The following ELMO1 variants were observed in gnomAD, a reference collection of about 807,000 sequenced individuals.
The protein encoded by ELMO1 is engulfment and cell motility 1, also known as engulfment and cell motility protein 1.
Under a neutral mutation model 98.9 loss-of-function variants are expected in ELMO1, and 26 were observed. The ratio of observed to expected loss-of-function variants is 0.26; its 90% confidence interval spans 0.19 to 0.36. The LOEUF is 0.36. Among genes scored for constraint, ELMO1 ranks in the 10% least tolerant of loss-of-function variants. The pLI is 1.00. For missense variants in ELMO1, 627 were observed against 935.2 expected (o/e 0.67, Z 4.30); for synonymous variants, 346 against 346.0 (o/e 1.00, Z 0.00).
chr7:37,342,923 T>C lies in ELMO1; in HGVS notation c.-73-160A>G. ...TGCAGGGGCACAGCCAACGGTACAA[T>C]GGGCTCCTGAGGAAAGAAGAAAGAT... On this transcript the variant is annotated intron_variant, in intron 1 of 21. Coordinates refer to ENST00000310758, the MANE Select transcript of ELMO1 (RefSeq NM_014800.11). The surrounding 1 kb of genome is among the most constrained non-coding windows in gnomAD (Gnocchi z 4.3). 2.2e-6 allele frequency: 1 copy of C among 460,766 alleles called. No individual in the cohort carries two copies. Among genetic ancestry groups the C allele is most frequent in the Non-Finnish European group, 3.8e-6 (1 of 259,778 alleles). 28.5% of individuals were successfully genotyped at this position (460,766 alleles called of 1,614,324 possible). A position where few individuals can be genotyped will look rare whatever the true frequency, so the allele number is the denominator to read the frequency against.
intron 2 of ELMO1, among the ~76,000 whole-genome samples, chr7:37,340,445 A>G (rs573025913): frequency 6.6e-6 from 1 of 152,324 alleles, no homozygotes; most frequent in South Asian, 2.1e-4. Flanking sequence ...AAAAACAAGG[A>G]AAGACTGAGA....
chr7:37,035,262 C>G (rs74834743), intron 15 of ELMO1, among the ~76,000 whole-genome samples: 2,418 of 152,296 alleles, frequency 0.016, 71 homozygotes, highest in African/African-American at 0.055. Flanking sequence ...AAATCTCTTT[C>G]TAAAATTATC....
chr7:37,169,679 G>A (rs62459308), intron 13 of ELMO1, among the ~76,000 whole-genome samples: 94,095 of 151,982 alleles, frequency 0.62, 31,322 homozygotes, highest in Non-Finnish European at 0.73. Context: ...TTTTTCCCAC[G>A]TCAGATGGGT....
At chr7:37,181,889 T>C (rs751620829) in intron 13 of ELMO1, among the ~76,000 whole-genome samples, 13 of 152,266 alleles carry the variant, frequency 8.5e-5, no homozygotes, top group East Asian at 1.9e-4. Flanking sequence ...GCAAAGGAAA[T>C]AGTTATTTTC....
At chr7:37,363,589 G>A (rs77801025) in intron 1 of ELMO1, among the ~76,000 whole-genome samples, 12,309 of 152,038 alleles carry the variant, frequency 0.081, 604 homozygotes, top group Middle Eastern at 0.12. Context: ...AAGCTCCTAC[G>A]ATGAAATGTA....
chr7:37,111,430 G>T (rs1280739855), intron 14 of ELMO1, among the ~76,000 whole-genome samples: 1 of 152,238 alleles, frequency 6.6e-6, no homozygotes, highest in Non-Finnish European at 1.5e-5. Flanking sequence ...GCCATAGACT[G>T]TTGGGAGCTT....
intron 16 of ELMO1, among the ~76,000 whole-genome samples, chr7:36,920,382 A>C (rs1785047985): frequency 6.6e-6 from 1 of 152,236 alleles, no homozygotes; most frequent in Non-Finnish European, 1.5e-5. Flanking sequence ...CTAAATATGA[A>C]GTCCAAACAT....
chr7:37,319,482 G>A (rs150130338), intron 2 of ELMO1, among the ~76,000 whole-genome samples: 38 of 151,992 alleles, frequency 2.5e-4, no homozygotes, highest in Admixed American at 6.6e-4. Flanking sequence ...ATCTTTGAGC[G>A]TACACCCCAA....
intron 16 of ELMO1, among the ~76,000 whole-genome samples, 162 bp downstream of exon 16, chr7:37,013,137 A>G (rs1336625773): frequency 6.6e-6 from 1 of 152,208 alleles, no homozygotes; most frequent in Non-Finnish European, 1.5e-5. Context: ...ATTCATGTCT[A>G]CACAGGGATG....
chr7:37,284,212 C>T (rs2717978), intron 4 of ELMO1, among the ~76,000 whole-genome samples: 72,305 of 151,896 alleles, frequency 0.48, 17,637 homozygotes, highest in Middle Eastern at 0.63. Flanking sequence ...CAATTTGCTT[C>T]AGACCCTCAA....
At chr7:37,083,803 G>C (rs1198218793) in intron 15 of ELMO1, among the ~76,000 whole-genome samples, 6 of 152,194 alleles carry the variant, frequency 3.9e-5, no homozygotes, top group African/African-American at 1.4e-4. Context: ...CATCTGAAGG[G>C]ACCTGGCTCC....
chr7:37,390,219 G>A (rs1368704041), intron 1 of ELMO1, among the ~76,000 whole-genome samples: 2 of 152,246 alleles, frequency 1.3e-5, no homozygotes, highest in Non-Finnish European at 1.5e-5. Context: ...GTCGCTATGA[G>A]CATAAAGTCA....
At chr7:37,155,503 A>AAATAAAAAAAAT (rs1788692635) in intron 13 of ELMO1, among the ~76,000 whole-genome samples, 5 of 131,778 alleles carry the variant, frequency 3.8e-5, no homozygotes, top group Non-Finnish European at 4.8e-5. Context: ...AAAAAAAAAA[A>AAATAAAAAAAAT]AAAAAGCAGG....
At chr7:37,152,528 T>A (rs1469440141) in intron 13 of ELMO1, among the ~76,000 whole-genome samples, 2 of 152,170 alleles carry the variant, frequency 1.3e-5, no homozygotes. Context: ...ATCCCGTTTT[T>A]GTACAGCAAT....
At chr7:37,255,648 T>C (rs1047733152) in intron 6 of ELMO1, among the ~76,000 whole-genome samples, 12 of 152,122 alleles carry the variant, frequency 7.9e-5, no homozygotes, top group South Asian at 6.2e-4. Context: ...GTAATTACAA[T>C]TGCAATTCTA....
chr7:37,422,240 G>T (rs1804504744), intron 1 of ELMO1, among the ~76,000 whole-genome samples: 1 of 152,184 alleles, frequency 6.6e-6, no homozygotes, highest in Non-Finnish European at 1.5e-5. Context: ...CCCATTATAT[G>T]CATAGCATCG....
chr7:37,343,877 C>T (rs1413382304), intron 1 of ELMO1, among the ~76,000 whole-genome samples: 1 of 151,988 alleles, frequency 6.6e-6, no homozygotes, highest in African/African-American at 2.4e-5. Flanking sequence ...AGAGTCTCTT[C>T]TCCCAGTGTC....
chr7:36,916,917 A>C (rs1784731697), intron 16 of ELMO1, among the ~76,000 whole-genome samples: 1 of 152,246 alleles, frequency 6.6e-6, no homozygotes, highest in Non-Finnish European at 1.5e-5. Context: ...TTTGGGTACA[A>C]GTGGTAATTA....
chr7:36,866,317 G>A (rs1404148618), intron 20 of ELMO1, among the ~76,000 whole-genome samples: 1 of 152,164 alleles, frequency 6.6e-6, no homozygotes, highest in East Asian at 1.9e-4. Flanking sequence ...TCTGATCCCT[G>A]TGTGAAGAAC....
Sources: allele counts gnomAD v4.1 joint callset (sites outside exome capture counted in the v4.1 genomes callset), GRCh38; gene constraint gnomAD v4.1.1; non-coding constraint Gnocchi (gnomAD v3.1); transcripts MANE v1.5; gene names NCBI Gene and HGNC (gene_info 2026-07-23, HGNC 2026-07-21).